GNB1: variants seen among roughly 807,000 people sequenced by gnomAD.
GNB1 encodes the protein guanine nucleotide-binding protein G(I)/G(S)/G(T) subunit beta-1.
In GNB1, 2 loss-of-function variants were observed where a neutral mutation model predicts 42.9. That is an observed-to-expected ratio of 0.05 (90% CI 0.02 to 0.15). GNB1 has a LOEUF of 0.15. Among genes scored for constraint, GNB1 ranks in the 10% least tolerant of loss-of-function variants. The pLI is 1.00. For synonymous variants in GNB1, 183 were observed against 174.7 expected, an observed-to-expected ratio of 1.05 and a Z score of -0.38; for missense variants, 193 against 462.2, an observed-to-expected ratio of 0.42 and a Z score of 5.34.
intron 4 of GNB1, chr1:1,817,634 G>C (rs1646875048): frequency 6.3e-6 from 3 of 472,868 alleles, no homozygotes; most frequent in Admixed American, 3.2e-5. Flanking sequence ...ATTATTCAAG[G>C]CTTGAGATAT....
intron 1 of GNB1, among the ~76,000 whole-genome samples, chr1:1,845,460 C>G (rs931135317): frequency 2.0e-5 from 3 of 152,112 alleles, no homozygotes; most frequent in Non-Finnish European, 2.9e-5. Context: ...GTAGTCCCAG[C>G]TACTCAGGAG....
At chr1:1,792,975 A>G (rs1286595985) in intron 8 of GNB1, among the ~76,000 whole-genome samples, 2 of 152,000 alleles carry the variant, frequency 1.3e-5, no homozygotes, top group East Asian at 3.9e-4. Context: ...ATGAGGCAGG[A>G]GAATCATTTA....
chr1:1,793,314 G>A lies in GNB1; in HGVS notation c.431-3C>T. ...GAATCGGCAGCAGGACAGGTAACCT[G>A]GCAAAGAACAGGCCTAAGTGATGAG... On this transcript the variant is annotated splice_region_variant and splice_polypyrimidine_tract_variant and intron_variant, in intron 7 of 11. Coordinates refer to ENST00000378609, the MANE Select transcript of GNB1 (RefSeq NM_002074.5). 6.2e-7 allele frequency: 1 copy of A among 1,610,910 alleles called. No individual in the cohort carries two copies. Among genetic ancestry groups the A allele is most frequent in the African/African-American group, 1.3e-5 (1 of 74,974 alleles).
At chr1:1,841,615 C>G (rs1647245783) in intron 1 of GNB1, among the ~76,000 whole-genome samples, 1 of 152,228 alleles carries the variant, frequency 6.6e-6, no homozygotes, top group Non-Finnish European at 1.5e-5. Flanking sequence ...AACTCACATG[C>G]ACACATCTAG....
At chr1:1,801,073 A>T (rs1046017232) in intron 7 of GNB1, among the ~76,000 whole-genome samples, 1 of 152,246 alleles carries the variant, frequency 6.6e-6, no homozygotes, top group Admixed American at 6.5e-5. Flanking sequence ...TCTGTTACCC[A>T]GGCTGGAGGT....
rs578143394 is a variant in GNB1, at chr1:1,798,004, C to T, written c.431-4693G>A. On this transcript the variant is annotated intron_variant, in intron 7 of 11. Transcript: ENST00000378609. The stretch of plus-strand genomic sequence containing the variant: ...AGGAGCAAAAACAAGACCGTGCTGG[C>T]GAGGGACAGGCTCAGCCTAGACCTG... 4.6e-5 allele frequency among the ~76,000 whole-genome samples: 7 copies of T among 152,320 alleles called. 1 individual carries two copies. The East Asian group carries it at 5.8e-4, about 13-fold the overall frequency.
rs190656339 is a variant in GNB1 at position 1,860,022 on chromosome 1, G to T, written c.-95-20784C>A. Among the ~76,000 whole-genome samples, 357 of 152,080 alleles carry T rather than the reference G, an allele frequency of 2.3e-3. 1 individual carries two copies. Among genetic ancestry groups the T allele is most frequent in the Non-Finnish European group, 3.5e-3 (240 of 67,984 alleles). On this transcript the variant is annotated intron_variant, in intron 1 of 11. Transcript: ENST00000378609. The stretch of plus-strand genomic sequence containing the variant: ...GTATACATATGTAACAAACCTGCAC[G>T]TTGTGCACATGTACCCTAGAACTTA...
intron 1 of GNB1, among the ~76,000 whole-genome samples, chr1:1,871,628 C>T (rs1166623908): frequency 6.6e-6 from 1 of 152,212 alleles, no homozygotes. Flanking sequence ...GACTTCCAGA[C>T]TGGACTCCAG....
chr1:1,831,552 G>A (rs369718629), intron 2 of GNB1, among the ~76,000 whole-genome samples: 2 of 151,826 alleles, frequency 1.3e-5, no homozygotes, highest in Admixed American at 6.6e-5. Flanking sequence ...GAGTTCAAGC[G>A]ATTCTCCTTC....
At chr1:1,806,627 CT>C in intron 5 of GNB1, 89 bp from the exon 6 acceptor site, 1 of 800,276 alleles carries the variant, frequency 1.2e-6, no homozygotes, top group Non-Finnish European at 2.1e-6. Flanking sequence ...ACTCTGGTGG[CT>C]TATGTGCTCC....
At chr1:1,791,862 T>C (rs1454270738) in intron 8 of GNB1, among the ~76,000 whole-genome samples, 3 of 152,330 alleles carry the variant, frequency 2.0e-5, no homozygotes, top group South Asian at 2.1e-4. Context: ...TAAAGTCTTC[T>C]CAAGATTGAC....
At chr1:1,839,998 A>G (rs1247401160) in intron 1 of GNB1, among the ~76,000 whole-genome samples, 1 of 151,942 alleles carries the variant, frequency 6.6e-6, no homozygotes, top group East Asian at 1.9e-4. Flanking sequence ...AAATGTTTTT[A>G]ATTTTAATGT....
chr1:1,829,832 G>A (rs750660785), intron 2 of GNB1, among the ~76,000 whole-genome samples: 12 of 152,050 alleles, frequency 7.9e-5, no homozygotes, highest in South Asian at 2.1e-4. Flanking sequence ...TCCGCCTCCC[G>A]ATTTCAAGCG....
chr1:1,793,375 TAGAG>T (rs1646506380), intron 7 of GNB1, 64 bp from the exon 8 acceptor site: 4 of 1,101,246 alleles, frequency 3.6e-6, no homozygotes, highest in Non-Finnish European at 5.5e-6. Context: ...GCCTCATACA[TAGAG>T]AAACACATTG....
At chr1:1,884,090 C>T (rs541873221) in intron 1 of GNB1, among the ~76,000 whole-genome samples, 1 of 151,516 alleles carries the variant, frequency 6.6e-6, no homozygotes, top group South Asian at 2.1e-4. Context: ...CTCTGCCTCC[C>T]GAGTAGCTGA....
intron 4 of GNB1, among the ~76,000 whole-genome samples, chr1:1,816,719 G>A (rs983778631): frequency 7.1e-6 from 1 of 140,614 alleles, no homozygotes; most frequent in Non-Finnish European, 1.5e-5. Context: ...TGCGATCTCT[G>A]CTCACTGCAA....
chr1:1,806,926 A>G (rs1012037016), intron 5 of GNB1, among the ~76,000 whole-genome samples: 2 of 152,176 alleles, frequency 1.3e-5, no homozygotes, highest in Non-Finnish European at 2.9e-5. Flanking sequence ...GTGAGCCACA[A>G]TCATGCCACT....
At chr1:1,801,922 A>G (rs182536155) in intron 7 of GNB1, among the ~76,000 whole-genome samples, 1 of 152,222 alleles carries the variant, frequency 6.6e-6, no homozygotes, top group African/African-American at 2.4e-5. Flanking sequence ...GACTGACTAC[A>G]TTAGTATCAG....
rs1015151266 is a variant in GNB1 at position 1,821,192 on chromosome 1, G to A, written c.58-3317C>T. Among the ~76,000 whole-genome samples the A allele has an allele frequency of 4.6e-5, 7 of 152,108 alleles. 1 individual carries two copies. Among genetic ancestry groups the A allele is most frequent in the South Asian group, 4.1e-4 (2 of 4,820 alleles). ...ATGGAGTCGCTGGACATTTTGGACC[G>A]GGCATCCATTGCAGCTGCCTCTCGC... On this transcript the variant is annotated intron_variant, in intron 3 of 11. Coordinates refer to ENST00000378609, the MANE Select transcript of GNB1 (RefSeq NM_002074.5).
Sources: allele counts gnomAD v4.1 joint callset (sites outside exome capture counted in the v4.1 genomes callset), GRCh38; gene constraint gnomAD v4.1.1; transcripts MANE v1.5; gene names NCBI Gene and HGNC (gene_info 2026-07-23, HGNC 2026-07-21).